The following TNR variants were observed in gnomAD, a reference collection of about 807,000 sequenced individuals.
TNR encodes tenascin R.
TNR carries 45 observed loss-of-function variants against 150.4 expected under a neutral mutation model. The ratio of observed to expected loss-of-function variants is 0.30; its 90% confidence interval spans 0.24 to 0.38. The LOEUF (loss-of-function observed/expected upper bound fraction) is 0.38, where lower values mean the gene tolerates loss of function less well. Among genes scored for constraint, TNR ranks in the 10% least tolerant of loss-of-function variants. TNR has a pLI of 1.00. For synonymous variants in TNR, 687 were observed against 678.4 expected (o/e 1.01, Z -0.20); for missense variants, 1,544 against 1,759.1 (o/e 0.88, Z 2.19).
intron 1 of TNR, among the ~76,000 whole-genome samples, chr1:175,721,632 C>T (rs1571789279): frequency 6.6e-6 from 1 of 152,152 alleles, no homozygotes; most frequent in Non-Finnish European, 1.5e-5. Flanking sequence ...TCACCTTTTT[C>T]TCTTACTCAC....
chr1:175,326,518 G>A (rs960878368), intron 21 of TNR, among the ~76,000 whole-genome samples: 1 of 152,072 alleles, frequency 6.6e-6, no homozygotes, highest in Non-Finnish European at 1.5e-5. Flanking sequence ...TCTTCATTCC[G>A]TCTTCTTCGT....
In TNR at chr1:175,557,431, A is replaced by G. The variant is rs532647220; in HGVS notation, c.-164-29062T>C. ...TCAGTTTCAAAGACTGTTTAGATTC[A>G]ACAGTGTGTGAGGAGGATAACAGAA... On this transcript the variant is annotated intron_variant, in intron 1 of 22. Coordinates refer to ENST00000367674, the MANE Select transcript of TNR (RefSeq NM_003285.3). Among the ~76,000 whole-genome samples, 3 of 152,334 alleles carry G rather than the reference A, an allele frequency of 2.0e-5. No homozygotes were observed. The South Asian group carries it at 6.2e-4, about 32-fold the overall frequency.
chr1:175,337,707 A>G (rs780827021), intron 18 of TNR, 28 bp from the exon 19 acceptor site: 1 of 1,612,132 alleles, frequency 6.2e-7, no homozygotes, highest in Non-Finnish European at 8.5e-7. Flanking sequence ...AATGTCCAGA[A>G]AGGATTCTTT....
chr1:175,321,101 T>A lies in TNR; in HGVS notation c.*2256A>T, dbSNP rs74888939. ...TCCCATGCAATGTGCTTCCTACTAT[T>A]CATTGTTGCCCCGTCTCTAGGTAAG... On this transcript the variant is annotated 3_prime_UTR_variant, in exon 23 of 23. Coordinates refer to ENST00000367674, the MANE Select transcript of TNR (RefSeq NM_003285.3). 7,241 of 152,290 alleles carry A rather than the reference T, an allele frequency of 0.048. 237 individuals carry two copies. Among genetic ancestry groups the A allele is most frequent in the Middle Eastern group, 0.18 (53 of 292 alleles). 9.4% of individuals were successfully genotyped at this position (152,290 alleles called of 1,614,324 possible). A position where few individuals can be genotyped will look rare whatever the true frequency, so the allele number is the denominator to read the frequency against.
rs77296463 is a variant in TNR, at chr1:175,507,477, A to G, written c.-64+20792T>C. On this transcript the variant is annotated intron_variant, in intron 2 of 22. Transcript: ENST00000367674. ...TGATATCATCACCTGACGGAGTCCC[A>G]GAGTCTCCCTGAGTATCTGAGGCTG... 8.9e-4 allele frequency among the ~76,000 whole-genome samples: 136 copies of G among 152,248 alleles called. 1 individual carries two copies. The East Asian group carries it at 0.02, about 22-fold the overall frequency.
intron 2 of TNR, among the ~76,000 whole-genome samples, chr1:175,416,806 A>G (rs1415220058): frequency 1.3e-5 from 2 of 152,140 alleles, no homozygotes; most frequent in African/African-American, 4.8e-5. Flanking sequence ...CAGGAGATCG[A>G]GACTGTCCTG....
chr1:175,498,072 GCAA>G (rs112090574), intron 2 of TNR, among the ~76,000 whole-genome samples: 1,849 of 151,858 alleles, frequency 0.012, 27 homozygotes, highest in African/African-American at 0.04. Flanking sequence ...AACAACAACA[GCAA>G]CAACAACAAC....
At chr1:175,452,945 GC>G (rs1656390988) in intron 2 of TNR, among the ~76,000 whole-genome samples, 1 of 152,092 alleles carries the variant, frequency 6.6e-6, no homozygotes, top group Admixed American at 6.5e-5. Context: ...AGGGAGAGAA[GC>G]CCTTCAGACA....
chr1:175,465,512 T>C (rs1347843090), intron 2 of TNR, among the ~76,000 whole-genome samples: 6 of 152,212 alleles, frequency 3.9e-5, no homozygotes, highest in Non-Finnish European at 8.8e-5. Flanking sequence ...AGATGCTTGC[T>C]TTTCCCCTGG....
chr1:175,667,774 TC>T (rs1665574331), intron 1 of TNR, among the ~76,000 whole-genome samples: 1 of 152,184 alleles, frequency 6.6e-6, no homozygotes, highest in Admixed American at 6.5e-5. Flanking sequence ...CTTCCTTCTC[TC>T]CTCCTGCCTG....
intron 1 of TNR, among the ~76,000 whole-genome samples, chr1:175,547,501 TG>T (rs1660735597): frequency 6.6e-6 from 1 of 151,296 alleles, no homozygotes; most frequent in Non-Finnish European, 1.5e-5. Context: ...GAGACTGAGC[TG>T]ATACTTGAAG....
At chr1:175,732,617 C>T (rs1667673887) in intron 1 of TNR, among the ~76,000 whole-genome samples, 1 of 152,232 alleles carries the variant, frequency 6.6e-6, no homozygotes, top group South Asian at 2.1e-4. Context: ...GACTGTCATT[C>T]TCCAGCTCCT....
intron 1 of TNR, among the ~76,000 whole-genome samples, chr1:175,592,048 G>T (rs1359353772): frequency 1.3e-5 from 2 of 152,102 alleles, no homozygotes; most frequent in Non-Finnish European, 2.9e-5. Context: ...AGACTTGAGA[G>T]TTTTTTTACT....
chr1:175,660,509 C>T (rs1276526185), intron 1 of TNR, among the ~76,000 whole-genome samples: 1 of 152,242 alleles, frequency 6.6e-6, no homozygotes, highest in Non-Finnish European at 1.5e-5. Flanking sequence ...CAGTCTCTCT[C>T]AGTAAAATGC....
intron 1 of TNR, among the ~76,000 whole-genome samples, chr1:175,642,921 A>G (rs764770951): frequency 2.0e-5 from 3 of 152,212 alleles, no homozygotes; most frequent in Non-Finnish European, 4.4e-5. Flanking sequence ...ACAGAGCAAC[A>G]TCCTATCTCT....
At chr1:175,550,910 T>C (rs1258638700) in intron 1 of TNR, among the ~76,000 whole-genome samples, 1 of 151,964 alleles carries the variant, frequency 6.6e-6, no homozygotes, top group African/African-American at 2.4e-5. Flanking sequence ...GGGAAAAATG[T>C]TTAAATTGAC....
intron 1 of TNR, among the ~76,000 whole-genome samples, chr1:175,570,295 T>G (rs932486141): frequency 1.3e-5 from 2 of 152,170 alleles, no homozygotes; most frequent in Non-Finnish European, 2.9e-5. Context: ...ACTCTGTCCA[T>G]CTTTCTCACC....
chr1:175,678,853 A>G (rs1665946106), intron 1 of TNR, among the ~76,000 whole-genome samples: 1 of 152,208 alleles, frequency 6.6e-6, no homozygotes, highest in Admixed American at 6.5e-5. Context: ...AGAGACTAGG[A>G]GATATCCTTC....
At chr1:175,526,890 A>C (rs1341967496) in intron 2 of TNR, among the ~76,000 whole-genome samples, 1 of 152,230 alleles carries the variant, frequency 6.6e-6, no homozygotes, top group African/African-American at 2.4e-5. Flanking sequence ...GAAGGGGACT[A>C]ATCTGGACAA....
Sources: gnomAD v4.1 joint callset for allele counts (sites outside exome capture counted in the v4.1 genomes callset) on GRCh38, gnomAD v4.1.1 for gene constraint, MANE v1.5 for transcripts, NCBI Gene and HGNC (gene_info 2026-07-23, HGNC 2026-07-21) for gene names.